The following APOBEC1 variants were observed in gnomAD, a reference collection of about 807,000 sequenced individuals.
APOBEC1 encodes apolipoprotein B mRNA editing enzyme catalytic subunit 1.
A neutral mutation model predicts 26.3 loss-of-function variants in APOBEC1; 22 were observed. That is an observed-to-expected ratio of 0.84 (90% confidence interval 0.60 to 1.19). The LOEUF (loss-of-function observed/expected upper bound fraction) is 1.19. Ranked by LOEUF, APOBEC1 falls within the 50% of genes most tolerant of loss-of-function variation. The pLI, the probability that APOBEC1 is intolerant of heterozygous loss-of-function variation, is 0.00. For missense variants in APOBEC1, 253 were observed against 289.0 expected, an observed-to-expected ratio of 0.88 and a Z score of 0.90; for synonymous variants, 77 against 95.3, an observed-to-expected ratio of 0.81 and a Z score of 1.12.
chr12:7,652,854 C>G lies in APOBEC1; in HGVS notation c.45-19G>C. On this transcript the variant is annotated intron_variant, in intron 2 of 4. Transcript: ENST00000229304. ...TCTTCTCCTGAAATACAAAAAGCAG[C>G]CCACACTGTCATGCCACATTTAGAG... 1.3e-6 allele frequency: 2 copies of G among 1,553,084 alleles called. No individual in the cohort carries two copies. Among genetic ancestry groups the G allele is most frequent in the Non-Finnish European group, 1.7e-6 (2 of 1,154,468 alleles).
chr12:7,653,113 G>C (rs1410881171), intron 2 of APOBEC1, among the ~76,000 whole-genome samples: 1 of 151,756 alleles, frequency 6.6e-6, no homozygotes, highest in Non-Finnish European at 1.5e-5. Flanking sequence ...TGTATTTTTA[G>C]TAGAGACGGG....
At position 7,652,726 on chromosome 12, in the gene APOBEC1, G is replaced by T; in HGVS notation, c.154C>A (p.Arg52=). 1 of 1,613,906 alleles carries T rather than the reference G, an allele frequency of 6.2e-7. No homozygotes were observed. Among genetic ancestry groups the T allele is most frequent in the Non-Finnish European group, 8.5e-7 (1 of 1,180,002 alleles). The change falls in exon 3 of 5, where the codon CGA becomes AGA. Residue 52 remains arginine (R), a synonymous_variant. Transcript: ENST00000229304. ...IKWGMSRKIW[R]SSGKNTTNHV... is the part of the protein sequence containing the mutation. ...TTGGTGGTGTTTTTGCCTGAGCTTC[G>T]CCAGATCTTCCGGCTCATGCCCCAC...
chr12:7,660,321 A>AG (rs1863788633), intron 1 of APOBEC1, among the ~76,000 whole-genome samples: 1 of 133,562 alleles, frequency 7.5e-6, no homozygotes. Context: ...AAAGGAAGGA[A>AG]GGAAGGAAGG....
In APOBEC1 at chr12:7,649,513, T is replaced by C. The variant is rs748567786; in HGVS notation, c.*34A>G. ...CTCTTTAGTGGGTCATCATTGCTTG[T>C]TCTTGAATCAGTACACACACGGAAT... On this transcript the variant is annotated 3_prime_UTR_variant, in exon 5 of 5. Coordinates refer to ENST00000229304, the MANE Select transcript of APOBEC1 (RefSeq NM_001644.5). 1 of 1,597,448 alleles carries C rather than the reference T, an allele frequency of 6.3e-7. No homozygotes were observed. The highest frequency in any genetic ancestry group is 8.5e-7 in the Non-Finnish European group (1 of 1,169,856).
chr12:7,667,974 C>T (rs1330426679), upstream of APOBEC1, among the ~76,000 whole-genome samples: 3 of 150,446 alleles, frequency 2.0e-5, no homozygotes, highest in Non-Finnish European at 1.5e-5. Context: ...ATGTCCTGAT[C>T]CCTGGAATCT....
chr12:7,663,223 G>A (rs1007299211), intron 1 of APOBEC1, among the ~76,000 whole-genome samples: 2 of 152,164 alleles, frequency 1.3e-5, no homozygotes, highest in African/African-American at 4.8e-5. Context: ...GGCTGTGTGT[G>A]TACCTGTTTG....
intron 3 of APOBEC1, among the ~76,000 whole-genome samples, chr12:7,651,541 G>A (rs1863640168): frequency 6.6e-6 from 1 of 150,618 alleles, no homozygotes; most frequent in Non-Finnish European, 1.5e-5. Context: ...GTGAACCCCA[G>A]GTGGAGCTTG....
chr12:7,662,867 TGCAATGGAGGGAGATGA>T (rs1000439946), intron 1 of APOBEC1, among the ~76,000 whole-genome samples: 1 of 152,094 alleles, frequency 6.6e-6, no homozygotes, highest in African/African-American at 2.4e-5. Context: ...GATCAAGACC[TGCAATGGAGGGAGATGA>T]GCAATGGAGG....
chr12:7,660,207 A>G (rs10845642), intron 1 of APOBEC1, among the ~76,000 whole-genome samples: 130,507 of 150,264 alleles, frequency 0.87, 57,944 homozygotes, highest in Middle Eastern at 0.98. Flanking sequence ...GGAGGCTGAG[A>G]CAGGAGAATT....
chr12:7,653,145 TG>T (rs1431622303), intron 2 of APOBEC1, among the ~76,000 whole-genome samples: 4 of 152,170 alleles, frequency 2.6e-5, no homozygotes, highest in African/African-American at 9.6e-5. Flanking sequence ...TTGGCCAGGC[TG>T]GTCTCAAACT....
At position 7,652,623 on chromosome 12, in the gene APOBEC1, C is replaced by G; in HGVS notation, c.257G>C (p.Trp86Ser). The change falls in exon 3 of 5, where the codon TGG becomes TCG. Residue 86 changes from tryptophan (W) to serine (S), a missense_variant. Physicochemically the swap from Trp to Ser is radical, Grantham distance 177. Transcript: ENST00000229304. The part of the protein sequence containing the change: ...FHPSMSCSIT[W>S]FLSWSPCWEC... ...CCAGCAGGGACTCCAGGACAAGAAC[C>G]AGGTGATGGAGCAGCTCATGGATGG... The G allele has an allele frequency of 1.2e-6, 2 of 1,614,172 alleles. No homozygotes were observed. The highest frequency in any genetic ancestry group is 1.7e-6 in the Non-Finnish European group (2 of 1,180,012).
intron 1 of APOBEC1, among the ~76,000 whole-genome samples, chr12:7,657,577 T>TAA (rs3040824): frequency 0.49 from 73,440 of 149,970 alleles, 19,644 homozygotes; most frequent in Non-Finnish European, 0.62. Context: ...AAAACAAAAT[T>TAA]AAAAAACAAA....
upstream of APOBEC1, among the ~76,000 whole-genome samples, chr12:7,666,507 C>A (rs903881948): frequency 6.6e-6 from 1 of 151,974 alleles, no homozygotes; most frequent in African/African-American, 2.4e-5. Context: ...GTTGGTCAGG[C>A]TGTTTTTGAA....
At position 7,652,468 on chromosome 12, in the gene APOBEC1, CACT is replaced by C. The variant is rs752066561; in HGVS notation, c.409_411del (p.Ser137del). 1.9e-6 allele frequency: 3 copies of C among 1,613,598 alleles called. No homozygotes were observed. In the East Asian group the frequency reaches 6.7e-5, roughly 36 times the overall value. ...GCTCTCATAATCTGAATAGTTACTC[CACT>C]GTTAACAAGGTCCCTGAGACCTTGC... On this transcript the variant is annotated inframe_deletion, in exon 3 of 5. Transcript: ENST00000229304.
At chr12:7,665,826 A>G in intron 1 of APOBEC1, 31 bp downstream of exon 1, 1 of 1,604,018 alleles carries the variant, frequency 6.2e-7, no homozygotes, top group African/African-American at 1.4e-5. Flanking sequence ...ATTGTTCAAG[A>G]ATACTTGCCA....
chr12:7,660,379 A>AAG (rs1565442397), intron 1 of APOBEC1, among the ~76,000 whole-genome samples: 136 of 27,534 alleles, frequency 4.9e-3, no homozygotes, highest in African/African-American at 6.1e-3. Context: ...AAGGAAGGAA[A>AAG]GAAAGAAAGA....
At chr12:7,654,668 C>G (rs371540354) in intron 1 of APOBEC1, 36 bp from the exon 2 acceptor site, 14 of 1,605,664 alleles carry the variant, frequency 8.7e-6, no homozygotes, top group Non-Finnish European at 1.2e-5. Context: ...AAACAACACT[C>G]AAATATCAAA....
upstream of APOBEC1, among the ~76,000 whole-genome samples, chr12:7,666,998 G>C (rs1863901672): frequency 6.7e-6 from 1 of 149,976 alleles, no homozygotes; most frequent in South Asian, 2.1e-4. Flanking sequence ...TGCAACCTCT[G>C]CCTCCCAGGT....
chr12:7,666,914 T>C (rs1446889457), upstream of APOBEC1, among the ~76,000 whole-genome samples: 4 of 62,650 alleles, frequency 6.4e-5, no homozygotes, highest in Non-Finnish European at 1.3e-4. Flanking sequence ...ACTTCTGCCC[T>C]TTTTTTTTTT....
Sources: allele counts gnomAD v4.1 joint callset (sites outside exome capture counted in the v4.1 genomes callset), GRCh38; gene constraint gnomAD v4.1.1; transcripts MANE v1.5; gene names NCBI Gene and HGNC (gene_info 2026-07-23, HGNC 2026-07-21).